SH3RF3: variants seen among roughly 807,000 people sequenced by gnomAD.
SH3RF3 encodes the protein E3 ubiquitin-protein ligase SH3RF3.
SH3RF3 carries 29 observed loss-of-function variants against 66.3 expected under a neutral mutation model. The ratio of observed to expected loss-of-function variants is 0.44; its 90% CI spans 0.33 to 0.60. SH3RF3 has a LOEUF of 0.60. Ranked by LOEUF, SH3RF3 falls within the 20% of genes least tolerant of loss-of-function variation. The probability of loss-of-function intolerance (pLI) is 0.04; values close to 1 mark genes in which losing one functional copy is unlikely to be tolerated. For synonymous variants in SH3RF3, 583 were observed against 532.0 expected (o/e 1.10, Z -1.32); for missense variants, 1,194 against 1,190.9 (o/e 1.00, Z -0.04).
intron 1 of SH3RF3, among the ~76,000 whole-genome samples, chr2:109,136,388 T>C (rs1257839771): frequency 6.6e-6 from 1 of 152,132 alleles, no homozygotes; most frequent in East Asian, 1.9e-4. Flanking sequence ...TATTGGAATT[T>C]TAATTAACTT....
intron 8 of SH3RF3, among the ~76,000 whole-genome samples, chr2:109,452,192 A>G (rs1677891179): frequency 6.6e-6 from 1 of 152,222 alleles, no homozygotes. Context: ...TCCACTGCTC[A>G]GAAGCAAGTG....
At position 109,296,221 on chromosome 2, in the gene SH3RF3, C is replaced by CTATTATTATTAT. The variant is rs111322381; in HGVS notation, c.574-51451_574-51450insTTATTATTATTA. Among the ~76,000 whole-genome samples the CTATTATTATTAT allele has an allele frequency of 9.7e-4, 147 of 151,430 alleles. 1 individual carries two copies. The highest frequency in any genetic ancestry group is 3.5e-3 in the African/African-American group (143 of 41,074). On this transcript the variant is annotated intron_variant, in intron 1 of 9. Coordinates refer to ENST00000309415, the MANE Select transcript of SH3RF3 (RefSeq NM_001099289.3). ...TGGCTTCCACTCTAAACAGAATGAC[C>CTATTATTATTAT]TAGTATTATTATTATTATTATTCGA...
chr2:109,277,004 A>C (rs1371405296), intron 1 of SH3RF3, among the ~76,000 whole-genome samples: 1 of 152,146 alleles, frequency 6.6e-6, no homozygotes, highest in African/African-American at 2.4e-5. Context: ...AAATGGACAG[A>C]ATCAACAGAC....
At chr2:109,488,815 C>T (rs1380792875) in intron 8 of SH3RF3, among the ~76,000 whole-genome samples, 2 of 152,216 alleles carry the variant, frequency 1.3e-5, no homozygotes, top group East Asian at 1.9e-4. Context: ...ACCTCCAGGG[C>T]CTGGCACGGT....
At chr2:109,413,018 C>T (rs1676635463) in intron 4 of SH3RF3, among the ~76,000 whole-genome samples, 2 of 152,358 alleles carry the variant, frequency 1.3e-5, no homozygotes, top group African/African-American at 4.8e-5. Flanking sequence ...AGCCCCACAC[C>T]CTGGAACTTC....
chr2:109,254,171 C>A (rs764126196), intron 1 of SH3RF3, among the ~76,000 whole-genome samples: 5 of 152,156 alleles, frequency 3.3e-5, no homozygotes, highest in Non-Finnish European at 5.9e-5. Flanking sequence ...TGAAGAAAAT[C>A]ACATTTTTCT....
Position 109,187,144 on chromosome 2 carries a change from G to T in SH3RF3, c.573+57031G>T, listed in dbSNP as rs748008104. On this transcript the variant is annotated intron_variant, in intron 1 of 9. Coordinates refer to ENST00000309415, the MANE Select transcript of SH3RF3 (RefSeq NM_001099289.3). The stretch of plus-strand genomic sequence containing the variant: ...CACAGGGTGAGGGACACAGGACTCT[G>T]TCCCCACGGTGCTGACCACTTCGTC... Among the ~76,000 whole-genome samples, 19 of 152,218 alleles carry T rather than the reference G, an allele frequency of 1.2e-4. 1 individual carries two copies. The highest frequency in any genetic ancestry group is 5.9e-4 in the Admixed American group (9 of 15,286).
At chr2:109,157,619 C>A (rs929427344) in intron 1 of SH3RF3, among the ~76,000 whole-genome samples, 1 of 152,158 alleles carries the variant, frequency 6.6e-6, no homozygotes, top group Admixed American at 6.5e-5. Flanking sequence ...TCCTGAATCC[C>A]AGTCTAGTGT....
intron 1 of SH3RF3, among the ~76,000 whole-genome samples, chr2:109,261,481 C>T (rs932053880): frequency 3.9e-5 from 6 of 152,110 alleles, no homozygotes; most frequent in African/African-American, 1.2e-4. Flanking sequence ...AGGTGTCAGA[C>T]GTGTGTGAAA....
At chr2:109,196,568 T>A (rs1014574981) in intron 1 of SH3RF3, among the ~76,000 whole-genome samples, 1 of 152,030 alleles carries the variant, frequency 6.6e-6, no homozygotes, top group African/African-American at 2.4e-5. Flanking sequence ...CCTGCAAGAG[T>A]GGCCCTACAT....
Position 109,249,467 on chromosome 2 carries a change from C to T in SH3RF3, c.574-98207C>T, listed in dbSNP as rs111423048. 8.1e-5 allele frequency among the ~76,000 whole-genome samples: 8 copies of T among 99,370 alleles called. No homozygotes were observed. The South Asian group carries it at 1.2e-3, about 15-fold the overall frequency. The allele number at this position is 99,370 out of a possible 152,430, so 65.2% of individuals were successfully genotyped here. On this transcript the variant is annotated intron_variant, in intron 1 of 9. Transcript: ENST00000309415. Reference sequence around the variant, plus strand: ...CAGATCTCTCTCTCTTTCTCTCTTTCTCTTTCTTTCTTTCTTTCTTTCTTT... The same window carrying T: ...CAGATCTCTCTCTCTTTCTCTCTTTTTCTTTCTTTCTTTCTTTCTTTCTTT...
intron 7 of SH3RF3, among the ~76,000 whole-genome samples, chr2:109,446,686 A>G (rs950875725): frequency 3.9e-5 from 6 of 152,136 alleles, no homozygotes; most frequent in Non-Finnish European, 8.8e-5. Flanking sequence ...AGCCAGTCCT[A>G]TTGGCAGAGT....
intron 1 of SH3RF3, among the ~76,000 whole-genome samples, chr2:109,320,287 G>A (rs1681991652): frequency 6.6e-6 from 1 of 152,186 alleles, no homozygotes; most frequent in African/African-American, 2.4e-5. Flanking sequence ...TTTCCTTCCT[G>A]TTCTCTGCAC....
intron 1 of SH3RF3, among the ~76,000 whole-genome samples, chr2:109,233,738 TC>T (rs1679577431): frequency 6.6e-6 from 1 of 152,232 alleles, no homozygotes; most frequent in Non-Finnish European, 1.5e-5. Context: ...ACCCTGGCAG[TC>T]CCACATCAGC....
chr2:109,462,463 C>G (rs1678231835), intron 8 of SH3RF3, among the ~76,000 whole-genome samples: 1 of 152,142 alleles, frequency 6.6e-6, no homozygotes, highest in Admixed American at 6.5e-5. Flanking sequence ...TGATAATCCT[C>G]TGTCATTCTC....
At chr2:109,376,921 C>T (rs191609743) in intron 3 of SH3RF3, among the ~76,000 whole-genome samples, 2 of 152,348 alleles carry the variant, frequency 1.3e-5, no homozygotes, top group East Asian at 1.9e-4. Flanking sequence ...CCTAGATAGA[C>T]CCTAGTCTGC....
intron 4 of SH3RF3, among the ~76,000 whole-genome samples, chr2:109,416,308 G>T (rs1676719577): frequency 6.6e-6 from 1 of 151,964 alleles, no homozygotes; most frequent in Admixed American, 6.5e-5. Context: ...AGAATTACAT[G>T]TCCAGGCTGG....
In SH3RF3 at chr2:109,288,518, G is replaced by A. The variant is rs141091366; in HGVS notation, c.574-59156G>A. 2.6e-5 allele frequency among the ~76,000 whole-genome samples: 4 copies of A among 152,282 alleles called. No individual in the cohort carries two copies. In the East Asian group the frequency reaches 7.7e-4, roughly 29 times the overall value. ...CTCCCAAAATAGAGGCACCCCAGGT[G>A]ACCTCTCAAAACAGAATTTTTGTCA... On this transcript the variant is annotated intron_variant, in intron 1 of 9. Coordinates refer to ENST00000309415, the MANE Select transcript of SH3RF3 (RefSeq NM_001099289.3).
At chr2:109,352,790 CG>C (rs1193362477) in intron 2 of SH3RF3, among the ~76,000 whole-genome samples, 1 of 152,234 alleles carries the variant, frequency 6.6e-6, no homozygotes, top group African/African-American at 2.4e-5. Flanking sequence ...TCGCAGGGCA[CG>C]GGGCAGAGGG....
Sources: allele counts gnomAD v4.1 joint callset (sites outside exome capture counted in the v4.1 genomes callset), GRCh38; gene constraint gnomAD v4.1.1; transcripts MANE v1.5; gene names NCBI Gene and HGNC (gene_info 2026-07-23, HGNC 2026-07-21).